The following GPR22 variants were observed in gnomAD, a reference collection of about 807,000 sequenced individuals.
GPR22 encodes the protein G protein-coupled receptor 22.
Under a neutral mutation model 31.0 loss-of-function variants are expected in GPR22, and 13 were observed. The observed-to-expected ratio is 0.42, with a 90% CI of 0.27 to 0.67. GPR22 has a LOEUF of 0.67. GPR22 is among the 30% of genes least tolerant of loss of function. The pLI, the probability that GPR22 is intolerant of heterozygous loss-of-function variation, is 0.25. For synonymous variants in GPR22, 191 were observed against 173.4 expected, an observed-to-expected ratio of 1.10 and a Z score of -0.80; for missense variants, 368 against 509.6, an observed-to-expected ratio of 0.72 and a Z score of 2.67.
At position 107,472,312 on chromosome 7, in the gene GPR22, C is replaced by G. The variant is rs1283230545; in HGVS notation, c.-27+10C>G. On this transcript the variant is annotated intron_variant, in intron 2 of 2. Coordinates refer to ENST00000304402, the MANE Select transcript of GPR22 (RefSeq NM_005295.3). ...ACTTCACTGTTGTCAGGTAAAAATT[C>G]ATGTCAAAATCTGTCAATGATATCA... is the stretch of plus-strand genomic sequence containing the variant. The G allele has an allele frequency of 6.6e-6, 1 of 151,832 alleles. No homozygotes were observed. Among genetic ancestry groups the G allele is most frequent in the East Asian group, 1.9e-4 (1 of 5,198 alleles). The allele number at this position is 151,832 out of a possible 1,614,324, so 9.4% of individuals were successfully genotyped here.
At position 107,474,127 on chromosome 7, in the gene GPR22, A is replaced by G. The variant is rs1163378047; in HGVS notation, c.67A>G (p.Ile23Val). The stretch of plus-strand genomic sequence containing the variant: ...ATCTAACATTACAGTGCGAGATGAC[A>G]TTGATGACATCAACACCAATATGTA... ...SESNITVRDD[I>V]DDINTNMYQP... The change falls in exon 3 of 3, where the codon ATT (isoleucine) becomes GTT (valine). Residue 23 changes from isoleucine (I) to valine (V), a missense_variant. Ile to Val is a conservative substitution (Grantham distance 29). Coordinates refer to ENST00000304402, the MANE Select transcript of GPR22 (RefSeq NM_005295.3). This position sits in a 1 kb window ranked among gnomAD's most constrained non-coding sequence, Gnocchi z 5.7. 1 of 1,610,056 alleles carries G rather than the reference A, an allele frequency of 6.2e-7. No individual in the cohort carries two copies. The highest frequency in any genetic ancestry group is 8.5e-7 in the Non-Finnish European group (1 of 1,177,094).
intron 1 of GPR22, 108 bp downstream of exon 1, chr7:107,470,553 A>G (rs1031559311): frequency 2.0e-5 from 3 of 152,146 alleles, no homozygotes; most frequent in Non-Finnish European, 4.4e-5. Context: ...GTTTAATTCT[A>G]CTTATTGCTA....
At position 107,475,085 on chromosome 7, in the gene GPR22, G is replaced by C; in HGVS notation, c.1025G>C (p.Ser342Thr). ...LNTTILCLGP[S>T]DLLVKLRLCF... The stretch of plus-strand genomic sequence containing the variant: ...ACCACCATTTTATGTTTAGGCCCAA[G>C]TGACCTTTTAGTAAAATTAAGATTG... Residue 342 changes from serine (S) to threonine (T), a missense_variant, in exon 3 of 3, where the codon AGT becomes ACT. Ser to Thr is a moderately conservative substitution (Grantham distance 58). Coordinates refer to ENST00000304402, the MANE Select transcript of GPR22 (RefSeq NM_005295.3). 1 of 1,612,884 alleles carries C rather than the reference G, an allele frequency of 6.2e-7. No individual in the cohort carries two copies. Among genetic ancestry groups the C allele is most frequent in the Non-Finnish European group, 8.5e-7 (1 of 1,179,278 alleles).
rs374117737 is a variant in GPR22, at chr7:107,470,942, TA to T, written c.-957-426del. On this transcript the variant is annotated intron_variant, in intron 1 of 2. Coordinates refer to ENST00000304402, the MANE Select transcript of GPR22 (RefSeq NM_005295.3). ...TCTTATGAAATCTGTTTTAATGAGTTAAAATTCAAACCATGTGCTAATAATT... is the reference window on the plus strand; with the variant it reads ...TCTTATGAAATCTGTTTTAATGAGTTAAATTCAAACCATGTGCTAATAATT... Among the ~76,000 whole-genome samples, 840 of 152,048 alleles carry T rather than the reference TA, an allele frequency of 5.5e-3. 8 individuals are homozygous for T. The highest frequency in any genetic ancestry group is 0.019 in the African/African-American group (809 of 41,544).
chr7:107,475,399 G>A lies in GPR22; in HGVS notation c.*37G>A. 2 of 966,404 alleles carry A rather than the reference G, an allele frequency of 2.1e-6. No individual in the cohort carries two copies. Among genetic ancestry groups the A allele is most frequent in the Non-Finnish European group, 3.0e-6 (2 of 657,410 alleles). The allele number at this position is 966,404 out of a possible 1,614,324, so 59.9% of individuals were successfully genotyped here. ...AGTTTCACCAAATCCACATTCAAAT[G>A]AGTTTTAAATTTAAATTGTAAAAAC... On this transcript the variant is annotated 3_prime_UTR_variant, in exon 3 of 3. Transcript: ENST00000304402.
chr7:107,473,058 GAT>G (rs1796734339), intron 2 of GPR22: 1 of 151,630 alleles, frequency 6.6e-6, no homozygotes, highest in Non-Finnish European at 1.5e-5. Context: ...GACAATGGGT[GAT>G]ATATACAAAA....
In GPR22 at chr7:107,475,603, C is replaced by A. The variant is rs528927334; in HGVS notation, c.*241C>A. The A allele has an allele frequency of 2.3e-5, 8 of 351,020 alleles. No homozygotes were observed. The highest frequency in any genetic ancestry group is 1.5e-4 in the African/African-American group (7 of 47,048). 21.7% of individuals were successfully genotyped at this position (351,020 alleles called of 1,614,324 possible). A position where few individuals can be genotyped will look rare whatever the true frequency, so the allele number is the denominator to read the frequency against. ...TATATTTTGTCAATATTATGTCCAA[C>A]AGAAAATATTCATGTAAGTCATATT... On this transcript the variant is annotated 3_prime_UTR_variant, in exon 3 of 3. Transcript: ENST00000304402.
At position 107,474,647 on chromosome 7, in the gene GPR22, T is replaced by C; in HGVS notation, c.587T>C (p.Leu196Ser). 1 of 1,607,246 alleles carries C rather than the reference T, an allele frequency of 6.2e-7. No individual in the cohort carries two copies. The highest frequency in any genetic ancestry group is 8.5e-7 in the Non-Finnish European group (1 of 1,174,338). ...SGNTWENKTL[L>S]CVSTNEYYTE... ...AATACCTGGGAAAACAAGACACTTT[T>C]ATGTGTCAGTACAAATGAATACTAC... The change falls in exon 3 of 3, where the codon TTA becomes TCA. Residue 196 changes from leucine (L) to serine (S), a missense_variant. Transcript: ENST00000304402. This position sits in a 1 kb window ranked among gnomAD's most constrained non-coding sequence, Gnocchi z 5.7.
rs375491112 is a variant in GPR22 at position 107,470,733 on chromosome 7, AG to A, written c.-958+289del. Among the ~76,000 whole-genome samples, 98 of 152,196 alleles carry A rather than the reference AG, an allele frequency of 6.4e-4. 1 individual carries two copies. The East Asian group carries it at 0.016, about 24-fold the overall frequency. On this transcript the variant is annotated intron_variant, in intron 1 of 2. Coordinates refer to ENST00000304402, the MANE Select transcript of GPR22 (RefSeq NM_005295.3). Reference sequence around the variant, plus strand: ...AATGTAATCAGTACAGTTTTTCTCCAGTGTTTCAAAAATGCTTCTGTTTCTT... The same window carrying A: ...AATGTAATCAGTACAGTTTTTCTCCATGTTTCAAAAATGCTTCTGTTTCTT...
At chr7:107,472,513 CTTTA>C (rs1376641290) in intron 2 of GPR22, 3 of 151,870 alleles carry the variant, frequency 2.0e-5, no homozygotes, top group Admixed American at 6.6e-5. Flanking sequence ...GACATTTCTG[CTTTA>C]TTTAATTATA....
Sources: allele counts gnomAD v4.1 joint callset (sites outside exome capture counted in the v4.1 genomes callset), GRCh38; gene constraint gnomAD v4.1.1; non-coding constraint Gnocchi (gnomAD v3.1); transcripts MANE v1.5; gene names NCBI Gene and HGNC (gene_info 2026-07-23, HGNC 2026-07-21).